The following CSMD3 variants were observed in gnomAD, a reference collection of about 807,000 sequenced individuals.
The protein encoded by CSMD3 is CUB and Sushi multiple domains 3.
A neutral mutation model predicts 435.2 loss-of-function variants in CSMD3; 177 were observed. The observed-to-expected ratio is 0.41, with a 90% CI of 0.36 to 0.46. The LOEUF (loss-of-function observed/expected upper bound fraction) is 0.46. CSMD3 is among the 20% of genes least tolerant of loss of function. CSMD3 has a pLI of 0.34. For missense variants in CSMD3, 4,265 were observed against 4,504.6 expected (o/e 0.95, Z 1.52); for synonymous variants, 1,656 against 1,520.5 (o/e 1.09, Z -2.07).
At chr8:112,639,030 G>T in intron 20 of CSMD3, 119 bp from the exon 21 acceptor site, 1 of 688,936 alleles carries the variant, frequency 1.5e-6, no homozygotes, top group Non-Finnish European at 2.5e-6. Context: ...AAAATGAGAG[G>T]CATTGCTATA....
intron 13 of CSMD3, among the ~76,000 whole-genome samples, chr8:112,715,228 T>C (rs959666912): frequency 6.6e-6 from 1 of 151,964 alleles, no homozygotes; most frequent in Non-Finnish European, 1.5e-5. Flanking sequence ...CAATAAAAAA[T>C]GTCACAATAA....
chr8:112,642,834 G>C (rs4567066), intron 20 of CSMD3, among the ~76,000 whole-genome samples: 23,840 of 152,078 alleles, frequency 0.16, 1,979 homozygotes, highest in Middle Eastern at 0.36. Flanking sequence ...TTATCAATTA[G>C]TATTATAACA....
chr8:112,501,064 C>T (rs1264247215), intron 30 of CSMD3, among the ~76,000 whole-genome samples: 1 of 152,090 alleles, frequency 6.6e-6, no homozygotes, highest in African/African-American at 2.4e-5. Context: ...CTTTTGGATG[C>T]CCCTCTCTTA....
At chr8:112,803,544 T>G (rs2054895054) in intron 12 of CSMD3, among the ~76,000 whole-genome samples, 1 of 152,154 alleles carries the variant, frequency 6.6e-6, no homozygotes, top group South Asian at 2.1e-4. Flanking sequence ...AATTGGGAAC[T>G]TGTATAAAAG....
chr8:112,535,999 T>C (rs1437153328), intron 27 of CSMD3, among the ~76,000 whole-genome samples: 1 of 152,128 alleles, frequency 6.6e-6, no homozygotes, highest in Non-Finnish European at 1.5e-5. Context: ...ATCCCTTCCT[T>C]ACACCTTATA....
chr8:112,319,031 T>A, intron 46 of CSMD3, 81 bp from the exon 47 acceptor site: 2 of 821,102 alleles, frequency 2.4e-6, no homozygotes, highest in Non-Finnish European at 4.2e-6. Context: ...TGTAGGAGAA[T>A]ATTTTCTCCT....
intron 68 of CSMD3, among the ~76,000 whole-genome samples, chr8:112,232,733 A>G (rs1021167407): frequency 1.3e-5 from 2 of 152,232 alleles, no homozygotes; most frequent in Non-Finnish European, 2.9e-5. Flanking sequence ...TTGTATCTAC[A>G]TTGAGCTGCA....
At chr8:113,100,452 A>G (rs1271922082) in intron 4 of CSMD3, among the ~76,000 whole-genome samples, 1 of 152,100 alleles carries the variant, frequency 6.6e-6, no homozygotes, top group Non-Finnish European at 1.5e-5. Context: ...AACATTGAAT[A>G]CTGCTTTGAT....
chr8:112,683,404 T>C (rs1041893130), intron 15 of CSMD3, among the ~76,000 whole-genome samples: 1 of 152,044 alleles, frequency 6.6e-6, no homozygotes, highest in Non-Finnish European at 1.5e-5. Context: ...AACAACCTAT[T>C]GTATCTTGGC....
chr8:112,237,181 T>C lies in CSMD3; in HGVS notation c.10627+9A>G. On this transcript the variant is annotated intron_variant, in intron 67 of 70. Coordinates refer to ENST00000297405, the MANE Select transcript of CSMD3 (RefSeq NM_198123.2). Reference sequence around the variant, plus strand: ...AAGGTATATTTCGCTGCTGTTTTTATTGCGATACCTGAAAGTAGCAGCTCC... The same window carrying C: ...AAGGTATATTTCGCTGCTGTTTTTACTGCGATACCTGAAAGTAGCAGCTCC... 2 of 1,613,320 alleles carry C rather than the reference T, an allele frequency of 1.2e-6. No individual in the cohort carries two copies. The highest frequency in any genetic ancestry group is 4.5e-5 in the East Asian group (2 of 44,784).
intron 1 of CSMD3, among the ~76,000 whole-genome samples, chr8:113,345,342 A>G (rs967384336): frequency 3.9e-5 from 6 of 152,142 alleles, no homozygotes; most frequent in African/African-American, 1.4e-4. Flanking sequence ...AATGATATCT[A>G]TGGAACTGCC....
intron 1 of CSMD3, among the ~76,000 whole-genome samples, chr8:113,329,185 C>T (rs1383598605): frequency 1.0e-5 from 1 of 95,718 alleles, no homozygotes; most frequent in Admixed American, 1.1e-4. Flanking sequence ...TTAGCTACTA[C>T]AAGTATGTTT....
chr8:113,193,268 T>A (rs185347882), intron 3 of CSMD3, among the ~76,000 whole-genome samples: 9 of 151,442 alleles, frequency 5.9e-5, no homozygotes, highest in African/African-American at 1.9e-4. Flanking sequence ...AGACCTCCAA[T>A]ATTTAGCTGA....
At chr8:112,450,326 T>C (rs954953674) in intron 32 of CSMD3, among the ~76,000 whole-genome samples, 1 of 152,214 alleles carries the variant, frequency 6.6e-6, no homozygotes, top group East Asian at 1.9e-4. Context: ...TTTTCTTACA[T>C]TGTAATTAAT....
At chr8:113,023,952 T>C (rs1177276224) in intron 5 of CSMD3, among the ~76,000 whole-genome samples, 4 of 152,114 alleles carry the variant, frequency 2.6e-5, no homozygotes, top group Non-Finnish European at 5.9e-5. Flanking sequence ...CTTCTAGCTA[T>C]TTTGAGATAT....
intron 5 of CSMD3, among the ~76,000 whole-genome samples, chr8:113,052,075 T>G (rs1027523838): frequency 1.3e-5 from 2 of 152,228 alleles, no homozygotes; most frequent in Non-Finnish European, 2.9e-5. Flanking sequence ...TAAACATTAA[T>G]AAACACTAAC....
At chr8:112,687,801 T>C (rs1333644957) in intron 14 of CSMD3, among the ~76,000 whole-genome samples, 1 of 152,170 alleles carries the variant, frequency 6.6e-6, no homozygotes, top group East Asian at 1.9e-4. Flanking sequence ...AAAATCATCA[T>C]ATTTCATATT....
chr8:113,097,877 G>C (rs2090212618), intron 5 of CSMD3, among the ~76,000 whole-genome samples: 1 of 151,754 alleles, frequency 6.6e-6, no homozygotes, highest in African/African-American at 2.4e-5. Context: ...CCATTACAAA[G>C]TCCTTTTGAT....
chr8:112,489,203 A>G (rs1820438249), intron 31 of CSMD3, among the ~76,000 whole-genome samples: 1 of 152,118 alleles, frequency 6.6e-6, no homozygotes, highest in African/African-American at 2.4e-5. Context: ...GGATCACTTG[A>G]GGCCAGTAGT....
Sources: allele counts gnomAD v4.1 joint callset (sites outside exome capture counted in the v4.1 genomes callset), GRCh38; gene constraint gnomAD v4.1.1; transcripts MANE v1.5; gene names NCBI Gene and HGNC (gene_info 2026-07-23, HGNC 2026-07-21).